The following DIPK2A variants were observed in gnomAD, a reference collection of about 807,000 sequenced individuals.
The protein encoded by DIPK2A is Golgi Protein of 49 kDa.
Under a neutral mutation model 39.0 loss-of-function variants are expected in DIPK2A, and 27 were observed. The observed-to-expected ratio is 0.69, with a 90% CI of 0.51 to 0.96. DIPK2A has a LOEUF of 0.96. Among genes scored for constraint, DIPK2A ranks in the 40% least tolerant of loss-of-function variants. The pLI, the probability that DIPK2A is intolerant of heterozygous loss-of-function variation, is 0.00. For synonymous variants in DIPK2A, 298 were observed against 240.8 expected (o/e 1.24, Z -2.20); for missense variants, 528 against 571.3 (o/e 0.92, Z 0.77).
intron 1 of DIPK2A, 128 bp from the exon 2 acceptor site, chr3:143,985,415 T>C: frequency 1.2e-6 from 1 of 800,830 alleles, no homozygotes; most frequent in South Asian, 1.8e-5. Flanking sequence ...TAATCTCTAA[T>C]AAACTGTTGA....
In DIPK2A at chr3:143,991,844, A is replaced by G. The variant is rs2087993426; in HGVS notation, c.*2003A>G. 1 of 152,210 alleles carries G rather than the reference A, an allele frequency of 6.6e-6. No homozygotes were observed. 9.4% of individuals were successfully genotyped at this position (152,210 alleles called of 1,614,324 possible). A position where few individuals can be genotyped will look rare whatever the true frequency, so the allele number is the denominator to read the frequency against. On this transcript the variant is annotated 3_prime_UTR_variant, in exon 3 of 3. Transcript: ENST00000315691. ...TTTTCATTATAAACCTTATAATACCAGTCACAAAGAGGTTGTCTGTCTATG... is the reference window on the plus strand; with the variant it reads ...TTTTCATTATAAACCTTATAATACCGGTCACAAAGAGGTTGTCTGTCTATG...
intron 1 of DIPK2A, among the ~76,000 whole-genome samples, chr3:143,973,971 T>G (rs1411475308): frequency 2.0e-5 from 3 of 152,150 alleles, no homozygotes; most frequent in Non-Finnish European, 4.4e-5. Flanking sequence ...ATTACAACTG[T>G]GGGGTTGTGG....
rs1405868740 is a variant in DIPK2A, at chr3:143,992,333, T to C, written c.*2492T>C. ...TAATATAAAGTTGTTTCTACAACTT[T>C]TAATGATCTTAATAAAGAATACTTT... On this transcript the variant is annotated 3_prime_UTR_variant, in exon 3 of 3. Coordinates refer to ENST00000315691, the MANE Select transcript of DIPK2A (RefSeq NM_173552.5). The C allele has an allele frequency of 6.6e-6, 1 of 152,630 alleles. No individual in the cohort carries two copies. The highest frequency in any genetic ancestry group is 1.5e-5 in the Non-Finnish European group (1 of 68,038). 9.5% of individuals were successfully genotyped at this position (152,630 alleles called of 1,614,324 possible).
chr3:143,991,624 C>T lies in DIPK2A; in HGVS notation c.*1783C>T, dbSNP rs1400273985. On this transcript the variant is annotated 3_prime_UTR_variant, in exon 3 of 3. Coordinates refer to ENST00000315691, the MANE Select transcript of DIPK2A (RefSeq NM_173552.5). ...AATAGTTGCATTCGGTTAATTTTTA[C>T]ACATTAGTGCATTGCGTATATCAAC... is the stretch of plus-strand genomic sequence containing the variant. 1 of 152,586 alleles carries T rather than the reference C, an allele frequency of 6.6e-6. No homozygotes were observed. Among genetic ancestry groups the T allele is most frequent in the Non-Finnish European group, 1.5e-5 (1 of 68,002 alleles). The allele number at this position is 152,586 out of a possible 1,614,324, so 9.5% of individuals were successfully genotyped here.
At position 143,972,690 on chromosome 3, in the gene DIPK2A, C is replaced by T. The variant is rs1478006206; in HGVS notation, c.358C>T (p.Gln120Ter). ...CCTCGGCTCGCAGCGCGAGCTGGCG[C>T]AGCTCGACCAGAGCATCTGCAAGCG... ...KRLGSQRELA[Q>*]LDQSICKRAT... The change falls in exon 1 of 3, where the codon CAG (glutamine) becomes TAG (stop). Residue 120 changes from glutamine to a stop codon, truncating the protein, a stop_gained. Transcript: ENST00000315691. LOFTEE classifies it high-confidence loss of function. 6.2e-7 allele frequency: 1 copy of T among 1,607,080 alleles called. No individual in the cohort carries two copies. The highest frequency in any genetic ancestry group is 8.5e-7 in the Non-Finnish European group (1 of 1,177,652).
chr3:143,989,053 AG>A (rs2087945805), intron 2 of DIPK2A, among the ~76,000 whole-genome samples: 2 of 152,230 alleles, frequency 1.3e-5, no homozygotes, highest in African/African-American at 4.8e-5. Context: ...AACCAAATGG[AG>A]CAATCCCTTA....
intron 1 of DIPK2A, chr3:143,978,622 C>CTATATCTATATCTATATCTA (rs2087769076): frequency 1.6e-5 from 2 of 121,646 alleles, no homozygotes; most frequent in Non-Finnish European, 3.5e-5. Flanking sequence ...ATATCTATAT[C>CTATATCTATATCTATATCTA]TATATATATA....
At position 143,990,413 on chromosome 3, in the gene DIPK2A, C is replaced by T. The variant is rs2087965625; in HGVS notation, c.*572C>T. ...CATATTTACTGTTAGGGCAGGATTC[C>T]CAGGTTTACTGTGTTTTTTTTTTTT... On this transcript the variant is annotated 3_prime_UTR_variant, in exon 3 of 3. Coordinates refer to ENST00000315691, the MANE Select transcript of DIPK2A (RefSeq NM_173552.5). 1 of 149,182 alleles carries T rather than the reference C, an allele frequency of 6.7e-6. No individual in the cohort carries two copies. The highest frequency in any genetic ancestry group is 1.5e-5 in the Non-Finnish European group (1 of 67,432). 9.2% of individuals were successfully genotyped at this position (149,182 alleles called of 1,614,324 possible). A position where few individuals can be genotyped will look rare whatever the true frequency, so the allele number is the denominator to read the frequency against.
rs530564087 is a variant in DIPK2A, at chr3:143,988,474, A to G, written c.962-1036A>G. Among the ~76,000 whole-genome samples, 78 of 152,242 alleles carry G rather than the reference A, an allele frequency of 5.1e-4. No individual in the cohort carries two copies. In the Middle Eastern group the frequency reaches 0.01, roughly 20 times the overall value. Reference sequence around the variant, plus strand: ...TATTGCCCTTGGTGCTTCTGCTACAATGGCCTCTTGTTTTCCTGAATGAAT... The same window carrying G: ...TATTGCCCTTGGTGCTTCTGCTACAGTGGCCTCTTGTTTTCCTGAATGAAT... On this transcript the variant is annotated intron_variant, in intron 2 of 2. Coordinates refer to ENST00000315691, the MANE Select transcript of DIPK2A (RefSeq NM_173552.5).
rs2087958442 is a variant in DIPK2A at position 143,990,005 on chromosome 3, C to T, written c.*164C>T. ...TAACATCCATCAAAATAAGACATTA[C>T]TTCAAAAATCACATGATGCTTCTGC... On this transcript the variant is annotated 3_prime_UTR_variant, in exon 3 of 3. Coordinates refer to ENST00000315691, the MANE Select transcript of DIPK2A (RefSeq NM_173552.5). 2 of 606,124 alleles carry T rather than the reference C, an allele frequency of 3.3e-6. No homozygotes were observed. Among genetic ancestry groups the T allele is most frequent in the Admixed American group, 3.0e-5 (1 of 33,016 alleles). The allele number at this position is 606,124 out of a possible 1,614,324, so 37.5% of individuals were successfully genotyped here. A position where few individuals can be genotyped will look rare whatever the true frequency, so the allele number is the denominator to read the frequency against.
chr3:143,988,248 AC>A (rs1318707090), intron 2 of DIPK2A, among the ~76,000 whole-genome samples: 1 of 151,810 alleles, frequency 6.6e-6, no homozygotes, highest in Non-Finnish European at 1.5e-5. Context: ...ACAGGCACAT[AC>A]CACCATGCCT....
chr3:143,972,070 C>T lies in DIPK2A; in HGVS notation c.-263C>T. On this transcript the variant is annotated 5_prime_UTR_variant, in exon 1 of 3. Coordinates refer to ENST00000315691, the MANE Select transcript of DIPK2A (RefSeq NM_173552.5). ...AACTTGGCTGGCGTGGAGGAGGCGC[C>T]GCCGGAGTCGGAGGGCGGGGAGCTA... 2.6e-6 allele frequency: 1 copy of T among 378,280 alleles called. No homozygotes were observed. Among genetic ancestry groups the T allele is most frequent in the Non-Finnish European group, 4.7e-6 (1 of 213,754 alleles). 23.4% of individuals were successfully genotyped at this position (378,280 alleles called of 1,614,324 possible). A position where few individuals can be genotyped will look rare whatever the true frequency, so the allele number is the denominator to read the frequency against.
intron 2 of DIPK2A, among the ~76,000 whole-genome samples, chr3:143,986,930 A>C (rs184167445): frequency 7.9e-5 from 12 of 152,200 alleles, no homozygotes; most frequent in Admixed American, 3.3e-4. Flanking sequence ...AAGGCTGAAA[A>C]TTTACGGCAC....
In DIPK2A at chr3:143,972,993, G is replaced by C; in HGVS notation, c.657+4G>C. The C allele has an allele frequency of 6.3e-7, 1 of 1,577,530 alleles. No homozygotes were observed. Among genetic ancestry groups the C allele is most frequent in the South Asian group, 1.1e-5 (1 of 87,382 alleles). On this transcript the variant is annotated splice_donor_region_variant and intron_variant, in intron 1 of 2. Coordinates refer to ENST00000315691, the MANE Select transcript of DIPK2A (RefSeq NM_173552.5). ...CCCCGAGCCGCTGGTGCTACAGGTA[G>C]GCGCGGAGCCAGGGCAGGGGGCGTC...
chr3:143,988,585 C>G (rs1349730236), intron 2 of DIPK2A, among the ~76,000 whole-genome samples: 2 of 152,086 alleles, frequency 1.3e-5, no homozygotes, highest in African/African-American at 2.4e-5. Context: ...GTTTTTCAAG[C>G]CTTGACTCCT....
In DIPK2A at chr3:143,972,517, G is replaced by C. The variant is rs1559851657; in HGVS notation, c.185G>C (p.Ser62Thr). Residue 62 changes from serine (S) to threonine (T), a missense_variant, in exon 1 of 3, where the codon AGC (serine) becomes ACC (threonine). Ser to Thr is a moderately conservative substitution (Grantham distance 58). Coordinates refer to ENST00000315691, the MANE Select transcript of DIPK2A (RefSeq NM_173552.5). The stretch of plus-strand genomic sequence containing the variant: ...AAGTGCCCGGCGTGCTTCGGCACGA[G>C]CTGGTGCCGCCGCTTCCTCAACGGG... ...LNKCPACFGT[S>T]WCRRFLNGQV... 5 of 1,611,770 alleles carry C rather than the reference G, an allele frequency of 3.1e-6. No individual in the cohort carries two copies. The South Asian group carries it at 4.4e-5, about 14-fold the overall frequency.
Position 143,985,834 on chromosome 3 carries a change from T to A in DIPK2A, c.949T>A (p.Leu317Ile). The A allele has an allele frequency of 6.2e-7, 1 of 1,610,644 alleles. No individual in the cohort carries two copies. The highest frequency in any genetic ancestry group is 8.5e-7 in the Non-Finnish European group (1 of 1,178,120). The change falls in exon 2 of 3, where the codon TTA (leucine) becomes ATA (isoleucine). Residue 317 changes from leucine to isoleucine, a missense_variant. Physicochemically the swap from Leu to Ile is conservative, Grantham distance 5. Around this residue, in one of 2 missense-constraint regions of DIPK2A, gnomAD observed 219 missense variants for 281.5 expected, o/e 0.78. Coordinates refer to ENST00000315691, the MANE Select transcript of DIPK2A (RefSeq NM_173552.5). Reference protein sequence around the residue: ...AENVLVADKRLIRQNKPENWD... With the variant: ...AENVLVADKRIIRQNKPENWD... ...AAATGTTTTGGTTGCTGACAAAAGA[T>A]TAATTAGACAAAGTAAGTATATAAT...
At chr3:143,987,183 G>T (rs929035515) in intron 2 of DIPK2A, among the ~76,000 whole-genome samples, 1 of 152,038 alleles carries the variant, frequency 6.6e-6, no homozygotes, top group African/African-American at 2.4e-5. Context: ...TTGTAGCAGC[G>T]TATACTATTC....
chr3:143,973,556 GGTCGGGGTGGGTTTAATCTGT>G (rs1328906592), intron 1 of DIPK2A: 1 of 1,548,372 alleles, frequency 6.5e-7, no homozygotes, highest in Non-Finnish European at 8.7e-7. Flanking sequence ...ACGGGACAGT[GGTCGGGGTGGGTTTAATCTGT>G]GAGCCGAGCT....
Sources: allele counts gnomAD v4.1 joint callset (sites outside exome capture counted in the v4.1 genomes callset), GRCh38; gene constraint gnomAD v4.1.1; regional missense constraint gnomAD v4.1.1; transcripts MANE v1.5; gene names NCBI Gene and HGNC (gene_info 2026-07-23, HGNC 2026-07-21).